ME1: variants seen among roughly 807,000 people sequenced by gnomAD.
The protein encoded by ME1 is NADP-dependent malic enzyme.
ME1 carries 74 observed loss-of-function variants against 66.4 expected under a neutral mutation model. That is an observed-to-expected ratio of 1.11 (90% CI 0.92 to 1.35). The LOEUF is 1.35. ME1 is among the 40% of genes most tolerant of loss of function. ME1 has a pLI of 0.00. For missense variants in ME1, 750 were observed against 694.1 expected (o/e 1.08, Z -0.90); for synonymous variants, 251 against 235.6 (o/e 1.07, Z -0.60).
chr6:83,215,586 G>A (rs1049096031), intron 13 of ME1, among the ~76,000 whole-genome samples: 3 of 152,096 alleles, frequency 2.0e-5, no homozygotes, highest in African/African-American at 4.8e-5. Context: ...AAAATGAGAC[G>A]GTTAGAATGG....
At chr6:83,284,881 A>T (rs1282442404) in intron 6 of ME1, among the ~76,000 whole-genome samples, 1 of 152,202 alleles carries the variant, frequency 6.6e-6, no homozygotes, top group African/African-American at 2.4e-5. Context: ...AATAAAAGGC[A>T]TCCAAATAGG....
chr6:83,240,898 T>C (rs1224488968), intron 7 of ME1, among the ~76,000 whole-genome samples: 1 of 152,164 alleles, frequency 6.6e-6, no homozygotes. Flanking sequence ...TAGTCCCATA[T>C]GTGCCTTTTC....
chr6:83,358,594 A>C lies in ME1; in HGVS notation c.363-6455T>G, dbSNP rs182326484. 7.6e-3 allele frequency among the ~76,000 whole-genome samples: 1,146 copies of C among 150,570 alleles called. 12 individuals are homozygous for C. Among genetic ancestry groups the C allele is most frequent in the African/African-American group, 0.027 (1,070 of 39,894 alleles). Reference sequence around the variant, plus strand: ...CAGCCTTGCCAGGTGTCTACTGTTAAAGTGAGGGCATCGATTAGAAAAGAA... The same window carrying C: ...CAGCCTTGCCAGGTGTCTACTGTTACAGTGAGGGCATCGATTAGAAAAGAA... On this transcript the variant is annotated intron_variant, in intron 3 of 13. Coordinates refer to ENST00000369705, the MANE Select transcript of ME1 (RefSeq NM_002395.6).
Position 83,398,365 on chromosome 6 carries a change from A to T in ME1, c.362+2T>A. 6.4e-7 allele frequency: 1 copy of T among 1,570,444 alleles called. No individual in the cohort carries two copies. The highest frequency in any genetic ancestry group is 8.6e-7 in the Non-Finnish European group (1 of 1,163,988). On this transcript the variant is annotated splice_donor_variant, in intron 3 of 13. Coordinates refer to ENST00000369705, the MANE Select transcript of ME1 (RefSeq NM_002395.6). LOFTEE classifies it high-confidence loss of function. ...TTGCATATAAAATAAAAGTTGACATACCTTGGCTTCCGAAACACCAAACTA... is the reference window on the plus strand; with the variant it reads ...TTGCATATAAAATAAAAGTTGACATTCCTTGGCTTCCGAAACACCAAACTA...
chr6:83,281,911 C>T (rs1284309111), intron 6 of ME1, among the ~76,000 whole-genome samples: 1 of 133,152 alleles, frequency 7.5e-6, no homozygotes, highest in Non-Finnish European at 1.6e-5. Context: ...TCTCACTCAG[C>T]ACAAAGAAAC....
intron 5 of ME1, among the ~76,000 whole-genome samples, chr6:83,315,967 T>A (rs1768023388): frequency 6.6e-6 from 1 of 152,080 alleles, no homozygotes; most frequent in Non-Finnish European, 1.5e-5. Flanking sequence ...TCTAGATTAT[T>A]CTGAGGAAAA....
chr6:83,352,145 G>GAA lies in ME1; in HGVS notation c.363-8_363-7dup, dbSNP rs35778458. 8,936 of 932,978 alleles carry GAA rather than the reference G, an allele frequency of 9.6e-3. 2 individuals carry two copies. The highest frequency in any genetic ancestry group is 0.02 in the South Asian group (656 of 32,612). The allele number at this position is 932,978 out of a possible 1,614,324, so 57.8% of individuals were successfully genotyped here. A position where few individuals can be genotyped will look rare whatever the true frequency, so the allele number is the denominator to read the frequency against. ...GGATAGTAATAAAGAGACCTCTGCA[G>GAA]AAAAAAAAAAAAAAAAAGGAGTAGT... On this transcript the variant is annotated splice_region_variant and splice_polypyrimidine_tract_variant and intron_variant, in intron 3 of 13. Coordinates refer to ENST00000369705, the MANE Select transcript of ME1 (RefSeq NM_002395.6).
At chr6:83,421,670 A>G (rs1049434093) in intron 1 of ME1, among the ~76,000 whole-genome samples, 17 of 152,072 alleles carry the variant, frequency 1.1e-4, no homozygotes, top group African/African-American at 3.9e-4. Flanking sequence ...AGTGCAATTG[A>G]TTGTGTACAA....
chr6:83,231,465 C>A (rs1201264480), intron 9 of ME1, among the ~76,000 whole-genome samples: 1 of 152,128 alleles, frequency 6.6e-6, no homozygotes, highest in Non-Finnish European at 1.5e-5. Context: ...ACAGAAGAAG[C>A]AAAAGACACA....
At chr6:83,369,836 A>G (rs962615019) in intron 3 of ME1, among the ~76,000 whole-genome samples, 1 of 152,264 alleles carries the variant, frequency 6.6e-6, no homozygotes, top group Middle Eastern at 3.4e-3. Flanking sequence ...AAAGTCCTAT[A>G]TATTTCCAAT....
intron 6 of ME1, among the ~76,000 whole-genome samples, chr6:83,310,384 G>T (rs979784587): frequency 2.0e-5 from 3 of 152,146 alleles, no homozygotes; most frequent in African/African-American, 7.2e-5. Flanking sequence ...TTCTCCTTCT[G>T]CCCATTCCTG....
Position 83,407,871 on chromosome 6 carries a change from G to T in ME1, c.109C>A (p.Gln37Lys), listed in dbSNP as rs1159790912. Reference protein sequence around the residue: ...DLAFTLEERQQLNIHGLLPPS... With the variant: ...DLAFTLEERQKLNIHGLLPPS... ...GGCAACAATCCATGAATGTTCAATT[G>T]CTGTCTCTCTTCCAGGGTAAAGGCC... is the stretch of plus-strand genomic sequence containing the variant. The change falls in exon 2 of 14, where the codon CAA becomes AAA. Residue 37 changes from glutamine (Q) to lysine (K), a missense_variant. Gln to Lys is a moderately conservative substitution (Grantham distance 53). Transcript: ENST00000369705. 1 of 1,612,772 alleles carries T rather than the reference G, an allele frequency of 6.2e-7. No homozygotes were observed. The highest frequency in any genetic ancestry group is 2.2e-5 in the East Asian group (1 of 44,816).
At chr6:83,410,172 A>C (rs1338442062) in intron 1 of ME1, among the ~76,000 whole-genome samples, 4 of 152,178 alleles carry the variant, frequency 2.6e-5, no homozygotes, top group Non-Finnish European at 5.9e-5. Flanking sequence ...AGTGCTTACA[A>C]CAGTGCCTGA....
chr6:83,313,251 G>T (rs537344136), intron 6 of ME1, among the ~76,000 whole-genome samples: 17 of 152,172 alleles, frequency 1.1e-4, no homozygotes, highest in Admixed American at 3.3e-4. Context: ...TGTTATGACA[G>T]AAAGTATTTT....
intron 4 of ME1, among the ~76,000 whole-genome samples, chr6:83,351,485 T>C (rs1402125747): frequency 6.6e-6 from 1 of 152,188 alleles, no homozygotes; most frequent in Non-Finnish European, 1.5e-5. Context: ...CTCTGGGGCC[T>C]GCATGCAGTT....
chr6:83,404,288 C>T lies in ME1; in HGVS notation c.212+3480G>A, dbSNP rs560610827. 6.6e-5 allele frequency among the ~76,000 whole-genome samples: 10 copies of T among 151,972 alleles called. No homozygotes were observed. The South Asian group carries it at 1.2e-3, about 19-fold the overall frequency. ...TGAGTTTTTTTTCATGATTTTTGGCCGCATAAATGTCTTCTTTTGAGAAGT... is the reference window on the plus strand; with the variant it reads ...TGAGTTTTTTTTCATGATTTTTGGCTGCATAAATGTCTTCTTTTGAGAAGT... On this transcript the variant is annotated intron_variant, in intron 2 of 13. Transcript: ENST00000369705.
chr6:83,419,036 G>A (rs1043242685), intron 1 of ME1, among the ~76,000 whole-genome samples: 3 of 152,184 alleles, frequency 2.0e-5, no homozygotes, highest in Non-Finnish European at 4.4e-5. Context: ...CACCAACTGT[G>A]AGAAATGATA....
chr6:83,301,534 G>T (rs1376441524), intron 6 of ME1, among the ~76,000 whole-genome samples: 1 of 151,974 alleles, frequency 6.6e-6, no homozygotes, highest in Admixed American at 6.6e-5. Context: ...GTAGACATGG[G>T]GTTTCACCAT....
At chr6:83,355,108 T>C (rs989720376) in intron 3 of ME1, among the ~76,000 whole-genome samples, 1 of 152,202 alleles carries the variant, frequency 6.6e-6, no homozygotes, top group African/African-American at 2.4e-5. Flanking sequence ...ATAAGGTATA[T>C]ATTTCTTTTG....
Sources: gnomAD v4.1 joint callset for allele counts (sites outside exome capture counted in the v4.1 genomes callset) on GRCh38, gnomAD v4.1.1 for gene constraint, MANE v1.5 for transcripts, NCBI Gene and HGNC (gene_info 2026-07-23, HGNC 2026-07-21) for gene names.